The following SPIDR variants were observed in gnomAD, a reference collection of about 807,000 sequenced individuals.
SPIDR encodes DNA repair-scaffolding protein.
Under a neutral mutation model 104.6 loss-of-function variants are expected in SPIDR, and 93 were observed. The ratio of observed to expected loss-of-function variants is 0.89; its 90% CI spans 0.75 to 1.06. The LOEUF is 1.06. SPIDR is among the 50% of genes least tolerant of loss of function. The pLI, the probability that SPIDR is intolerant of heterozygous loss-of-function variation, is 0.00. For missense variants in SPIDR, 1,154 were observed against 1,111.2 expected (o/e 1.04, Z -0.55); for synonymous variants, 431 against 416.9 (o/e 1.03, Z -0.41).
At chr8:47,413,517 C>G (rs2063812678) in intron 7 of SPIDR, among the ~76,000 whole-genome samples, 1 of 152,204 alleles carries the variant, frequency 6.6e-6, no homozygotes, top group African/African-American at 2.4e-5. Context: ...ACCAAATAGT[C>G]CAAATTGGAC....
chr8:47,469,325 T>A (rs2075342458), intron 8 of SPIDR, among the ~76,000 whole-genome samples: 1 of 152,158 alleles, frequency 6.6e-6, no homozygotes, highest in Non-Finnish European at 1.5e-5. Context: ...CTCAAAGAGC[T>A]CAAATCAGAA....
intron 7 of SPIDR, among the ~76,000 whole-genome samples, chr8:47,425,942 A>G (rs2066336582): frequency 6.6e-6 from 1 of 152,164 alleles, no homozygotes; most frequent in South Asian, 2.1e-4. Context: ...TATTACTACC[A>G]GTACTTAAAG....
chr8:47,608,827 G>A (rs2063283706), intron 10 of SPIDR, among the ~76,000 whole-genome samples: 1 of 152,314 alleles, frequency 6.6e-6, no homozygotes, highest in African/African-American at 2.4e-5. Flanking sequence ...GGTTCCAGGC[G>A]ATTCTTCTGC....
At chr8:47,481,840 A>G (rs1462134961) in intron 8 of SPIDR, among the ~76,000 whole-genome samples, 1 of 152,206 alleles carries the variant, frequency 6.6e-6, no homozygotes, top group African/African-American at 2.4e-5. Context: ...GAGATAGTGG[A>G]GTTCTTAGTC....
chr8:47,502,574 T>G (rs1359613749), intron 8 of SPIDR, among the ~76,000 whole-genome samples: 1 of 152,206 alleles, frequency 6.6e-6, no homozygotes, highest in Non-Finnish European at 1.5e-5. Flanking sequence ...TTTGTTGATC[T>G]TTTCAAAACC....
At chr8:47,309,395 T>C (rs1046846463) in intron 5 of SPIDR, among the ~76,000 whole-genome samples, 109 of 152,344 alleles carry the variant, frequency 7.2e-4, no homozygotes, top group African/African-American at 2.5e-3. Context: ...ATTATCTTAG[T>C]ATAGCATTTT....
At chr8:47,689,006 T>C (rs1218675387) in intron 11 of SPIDR, among the ~76,000 whole-genome samples, 1 of 152,272 alleles carries the variant, frequency 6.6e-6, no homozygotes, top group Non-Finnish European at 1.5e-5. Flanking sequence ...TGAAGTGCTG[T>C]TCAAGTCTTT....
chr8:47,392,750 C>T (rs1267205093), intron 5 of SPIDR, among the ~76,000 whole-genome samples: 1 of 152,188 alleles, frequency 6.6e-6, no homozygotes, highest in Non-Finnish European at 1.5e-5. Flanking sequence ...AGCACATGTA[C>T]CTTTTTATGC....
chr8:47,618,356 A>T (rs958726217), intron 10 of SPIDR, among the ~76,000 whole-genome samples: 12 of 152,114 alleles, frequency 7.9e-5, no homozygotes, highest in Non-Finnish European at 1.6e-4. Flanking sequence ...GATATGAATT[A>T]AAAAAAATTT....
At chr8:47,525,127 A>G (rs570500120) in intron 8 of SPIDR, among the ~76,000 whole-genome samples, 1 of 152,306 alleles carries the variant, frequency 6.6e-6, no homozygotes, top group African/African-American at 2.4e-5. Flanking sequence ...TTGTATTTGC[A>G]GTTTGGCTTC....
At chr8:47,729,136 T>C (rs2084793825) in intron 18 of SPIDR, 89 bp downstream of exon 18, 2 of 1,556,494 alleles carry the variant, frequency 1.3e-6, no homozygotes, top group Non-Finnish European at 8.7e-7. Flanking sequence ...CACGTCCTCC[T>C]GTACGCCTGC....
chr8:47,351,101 CTTACT>C (rs1453429563), intron 5 of SPIDR, among the ~76,000 whole-genome samples: 4 of 152,188 alleles, frequency 2.6e-5, no homozygotes, highest in East Asian at 1.9e-4. Context: ...TCACGTCACT[CTTACT>C]TTACTTAATA....
At chr8:47,552,852 G>A (rs542409679) in intron 8 of SPIDR, among the ~76,000 whole-genome samples, 19 of 152,264 alleles carry the variant, frequency 1.2e-4, no homozygotes, top group African/African-American at 4.3e-4. Context: ...TTTCTTCCTA[G>A]CATTGATGGT....
At chr8:47,269,315 T>G (rs1198486216) in intron 1 of SPIDR, among the ~76,000 whole-genome samples, 2 of 151,612 alleles carry the variant, frequency 1.3e-5, no homozygotes, top group Non-Finnish European at 2.9e-5. Flanking sequence ...TGGAGTGCAG[T>G]GGTACCATCT....
intron 16 of SPIDR, among the ~76,000 whole-genome samples, chr8:47,714,626 G>A (rs993947227): frequency 6.6e-6 from 1 of 152,210 alleles, no homozygotes; most frequent in African/African-American, 2.4e-5. Context: ...GGCGCATCCA[G>A]GAGACACAGC....
intron 7 of SPIDR, chr8:47,418,981 G>T (rs1477845771): frequency 2.0e-5 from 3 of 152,204 alleles, no homozygotes; most frequent in African/African-American, 7.2e-5. Context: ...CTTGATCATG[G>T]TAGATAAGCT....
intron 8 of SPIDR, among the ~76,000 whole-genome samples, chr8:47,544,654 T>A (rs573942751): frequency 6.6e-6 from 1 of 152,368 alleles, no homozygotes; most frequent in Admixed American, 6.5e-5. Flanking sequence ...AAAAATCACA[T>A]AGATCTATTT....
chr8:47,293,969 G>A lies in SPIDR; in HGVS notation c.464G>A (p.Cys155Tyr). The A allele has an allele frequency of 1.2e-6, 2 of 1,614,152 alleles. No homozygotes were observed. Among genetic ancestry groups the A allele is most frequent in the Non-Finnish European group, 1.7e-6 (2 of 1,180,008 alleles). Residue 155 changes from cysteine to tyrosine, a missense_variant, in exon 5 of 20, where the codon TGT becomes TAT. Transcript: ENST00000297423. ...GAGGGTGCTGTGGAAATCTCAGACT[G>A]TGCTTCTTGTGCAAGTAATCAGTCT... ...DDEGAVEISDCASCASNQSLT... is the reference protein window; with the variant it reads ...DDEGAVEISDYASCASNQSLT...
intron 10 of SPIDR, among the ~76,000 whole-genome samples, chr8:47,638,905 A>G (rs1189574277): frequency 6.6e-6 from 1 of 152,190 alleles, no homozygotes; most frequent in Non-Finnish European, 1.5e-5. Flanking sequence ...AACGGTTCCT[A>G]TTCAAAATAA....
Sources: allele counts gnomAD v4.1 joint callset (sites outside exome capture counted in the v4.1 genomes callset), GRCh38; gene constraint gnomAD v4.1.1; transcripts MANE v1.5; gene names NCBI Gene and HGNC (gene_info 2026-07-23, HGNC 2026-07-21).